The following POMT1 variants were observed in gnomAD, a reference collection of about 807,000 sequenced individuals.
POMT1 encodes the protein protein O-mannosyl-transferase 1.
Under a neutral mutation model 101.6 loss-of-function variants are expected in POMT1, and 85 were observed. The observed-to-expected ratio is 0.84, with a 90% CI of 0.70 to 1.00. The LOEUF (loss-of-function observed/expected upper bound fraction) is 1.00, where lower values mean the gene tolerates loss of function less well. POMT1 is among the 50% of genes least tolerant of loss of function. The pLI is 0.00. For missense variants in POMT1, 857 were observed against 930.4 expected (o/e 0.92, Z 1.03); for synonymous variants, 371 against 383.0 (o/e 0.97, Z 0.37).
intron 2 of POMT1, 62 bp from the exon 3 acceptor site, chr9:131,506,052 A>C: frequency 1.2e-6 from 2 of 1,603,108 alleles, no homozygotes; most frequent in Non-Finnish European, 1.7e-6. Context: ...TTATCCTCAC[A>C]GTTTTTGTTT....
chr9:131,507,425 C>T lies in POMT1; in HGVS notation c.338C>T (p.Ala113Val). The T allele has an allele frequency of 1.9e-6, 3 of 1,614,184 alleles. No individual in the cohort carries two copies. Among genetic ancestry groups the T allele is most frequent in the Non-Finnish European group, 1.7e-6 (2 of 1,180,038 alleles). ...CGCCTGCTGCCAGCACTCGCGGGGG[C>T]CTTGTCGGTCCCCATGGCCTACCAG... ...SLRLLPALAG[A>V]LSVPMAYQIV... The change falls in exon 5 of 20, where the codon GCC becomes GTC. Residue 113 changes from alanine to valine, a missense_variant. By Grantham distance (64) the Ala-to-Val change is moderately conservative. Transcript: ENST00000402686.
chr9:131,521,470 A>G lies in POMT1; in HGVS notation c.1823A>G (p.Gln608Arg), dbSNP rs145021255. 9 of 1,613,744 alleles carry G rather than the reference A, an allele frequency of 5.6e-6. No individual in the cohort carries two copies. In the African/African-American group the frequency reaches 1.1e-4, roughly 19 times the overall value. ...RRRRNVHDLP[Q>R]DAWLRWVLAG... The stretch of plus-strand genomic sequence containing the variant: ...CGAAGAAATGTCCATGACCTCCCTC[A>G]GGGTTAGTACCTCTCCCACATGGCT... The change falls in exon 18 of 20, where the codon CAG (glutamine) becomes CGG (arginine). Residue 608 changes from glutamine (Q) to arginine (R), a missense_variant and splice_region_variant. Coordinates refer to ENST00000402686, the MANE Select transcript of POMT1 (RefSeq NM_001077365.2).
intron 11 of POMT1, among the ~76,000 whole-genome samples, chr9:131,512,910 C>A (rs546130006): frequency 1.3e-3 from 202 of 151,118 alleles, no homozygotes; most frequent in African/African-American, 4.8e-3. Context: ...CCACGCCCGG[C>A]CCCCTCATAC....
Position 131,522,481 on chromosome 9 carries a change from G to A in POMT1, c.2003+257G>A. On this transcript the variant is annotated intron_variant, in intron 19 of 19. Transcript: ENST00000402686. This position sits in a 1 kb window ranked among gnomAD's most constrained non-coding sequence, Gnocchi z 5.5. ...AGACGGGGAGGGGATGAAGAGATGT[G>A]GGTGGCCTGGAGGATTCGGGAGCAG... The A allele has an allele frequency of 1.4e-6, 1 of 702,472 alleles. No homozygotes were observed. The highest frequency in any genetic ancestry group is 2.3e-6 in the Non-Finnish European group (1 of 437,268). The allele number at this position is 702,472 out of a possible 1,614,324, so 43.5% of individuals were successfully genotyped here. A position where few individuals can be genotyped will look rare whatever the true frequency, so the allele number is the denominator to read the frequency against.
In POMT1 at chr9:131,513,059, G is replaced by A. The variant is rs7865761; in HGVS notation, c.1083-180G>A. On this transcript the variant is annotated intron_variant, in intron 11 of 19. Coordinates refer to ENST00000402686, the MANE Select transcript of POMT1 (RefSeq NM_001077365.2). ...AATCACATTCGGAAAATGACCTTTG[G>A]TTTCAGAAAAGAGCCCAATTAATGT... Among the ~76,000 whole-genome samples, 135,079 of 152,222 alleles carry A rather than the reference G, an allele frequency of 0.89. 60,645 individuals carry two copies. The highest frequency in any genetic ancestry group is 0.97 in the South Asian group (4,683 of 4,822).
At chr9:131,511,697 T>G in intron 10 of POMT1, 1 of 603,382 alleles carries the variant, frequency 1.7e-6, no homozygotes. Flanking sequence ...GTGGCTGACC[T>G]CAGCACTGCC....
Position 131,521,374 on chromosome 9 carries a change from T to C in POMT1, c.1727T>C (p.Val576Ala), listed in dbSNP as rs144338642. 259 of 1,614,054 alleles carry C rather than the reference T, an allele frequency of 1.6e-4. No individual in the cohort carries two copies. The highest frequency in any genetic ancestry group is 2.0e-4 in the Non-Finnish European group (239 of 1,180,018). ...SAQIHLLGNI[V>A]IWVSGSLALA... ...CAGATCCACCTACTTGGAAACATAG[T>C]GATCTGGGTTTCGGGCAGCCTCGCT... Residue 576 changes from valine (V) to alanine (A), a missense_variant, in exon 18 of 20, where the codon GTG becomes GCG. Val to Ala is a moderately conservative substitution (Grantham distance 64). Transcript: ENST00000402686.
chr9:131,510,433 A>C lies in POMT1; in HGVS notation c.855+18A>C. The stretch of plus-strand genomic sequence containing the variant: ...GCTTAGAGGTAAGTAAGCAGTGGGC[A>C]TCGTGGCCACTGGAGAAGGAAGATG... On this transcript the variant is annotated intron_variant, in intron 9 of 19. Transcript: ENST00000402686. 6.2e-7 allele frequency: 1 copy of C among 1,611,710 alleles called. No homozygotes were observed. The highest frequency in any genetic ancestry group is 2.2e-5 in the East Asian group (1 of 44,876).
chr9:131,523,678 C>T lies in POMT1; in HGVS notation c.*572C>T, dbSNP rs1286109777. ...CACCGTGCTGTGTGGAAACCCTCCC[C>T]TCTGAGACTCCACTGAGACGTGGCT... On this transcript the variant is annotated 3_prime_UTR_variant, in exon 20 of 20. Transcript: ENST00000402686. The T allele has an allele frequency of 6.0e-6, 1 of 165,472 alleles. No homozygotes were observed. The highest frequency in any genetic ancestry group is 5.5e-5 in the Admixed American group (1 of 18,146). The allele number at this position is 165,472 out of a possible 1,614,324, so 10.3% of individuals were successfully genotyped here.
At chr9:131,510,807 C>G (rs1946959374) in intron 9 of POMT1, 1 of 342,258 alleles carries the variant, frequency 2.9e-6, no homozygotes, top group Admixed American at 4.2e-5. Context: ...CGCCTGGCAG[C>G]TGGGAGCATT....
intron 6 of POMT1, 69 bp downstream of exon 6, chr9:131,509,091 G>A: frequency 1.8e-6 from 2 of 1,108,466 alleles, no homozygotes; most frequent in Non-Finnish European, 2.8e-6. Flanking sequence ...GATCTGAGAT[G>A]GTCCAGTACC....
chr9:131,522,785 G>A lies in POMT1; in HGVS notation c.2004-147G>A. ...GTGCATCCAGGTGGGAGATGGTCAT[G>A]GGTGGCAGGAGACAAGACACAGAAA... On this transcript the variant is annotated intron_variant, in intron 19 of 19. Coordinates refer to ENST00000402686, the MANE Select transcript of POMT1 (RefSeq NM_001077365.2). This position sits in a 1 kb window ranked among gnomAD's most constrained non-coding sequence, Gnocchi z 5.5. 2.3e-6 allele frequency: 2 copies of A among 882,180 alleles called. No homozygotes were observed. Among genetic ancestry groups the A allele is most frequent in the Non-Finnish European group, 1.8e-6 (1 of 559,480 alleles). The allele number at this position is 882,180 out of a possible 1,614,324, so 54.6% of individuals were successfully genotyped here. A position where few individuals can be genotyped will look rare whatever the true frequency, so the allele number is the denominator to read the frequency against.
At chr9:131,520,304 C>T in intron 17 of POMT1, 111 bp downstream of exon 17, 1 of 924,592 alleles carries the variant, frequency 1.1e-6, no homozygotes, top group Non-Finnish European at 1.7e-6. Context: ...TTCTCCCAAG[C>T]TTTTCCTGAC....
intron 2 of POMT1, among the ~76,000 whole-genome samples, chr9:131,504,761 G>A (rs886697839): frequency 7.4e-6 from 1 of 135,756 alleles, no homozygotes; most frequent in Admixed American, 8.4e-5. Context: ...GTGTATGTGT[G>A]TGTGTGTGTG....
At chr9:131,507,334 T>C in intron 4 of POMT1, 34 bp from the exon 5 acceptor site, 1 of 1,613,784 alleles carries the variant, frequency 6.2e-7, no homozygotes, top group Non-Finnish European at 8.5e-7. Flanking sequence ...GTGTGCACAG[T>C]GTAGTCAGCT....
intron 5 of POMT1, among the ~76,000 whole-genome samples, chr9:131,508,475 G>C (rs1357314637): frequency 5.9e-5 from 9 of 152,148 alleles, no homozygotes; most frequent in Non-Finnish European, 1.3e-4. Flanking sequence ...AGGTTGCAGT[G>C]AGCCGAGATT....
At position 131,523,343 on chromosome 9, in the gene POMT1, T is replaced by G. The variant is rs1350808322; in HGVS notation, c.*237T>G. ...ATATTCCGTGTCTTTACCCCTGAAC[T>G]AAGACACAGGGAGTATTTCAGAGGC... On this transcript the variant is annotated 3_prime_UTR_variant, in exon 20 of 20. Transcript: ENST00000402686. The G allele has an allele frequency of 5.4e-6, 3 of 552,416 alleles. No individual in the cohort carries two copies. Among genetic ancestry groups the G allele is most frequent in the Non-Finnish European group, 9.8e-6 (3 of 307,186 alleles). The allele number at this position is 552,416 out of a possible 1,614,324, so 34.2% of individuals were successfully genotyped here.
At chr9:131,511,169 G>A in intron 9 of POMT1, 168 bp from the exon 10 acceptor site, 1 of 755,108 alleles carries the variant, frequency 1.3e-6, no homozygotes, top group Non-Finnish European at 2.1e-6. Context: ...GCTCATTATG[G>A]TTCTATAATG....
intron 12 of POMT1, 98 bp downstream of exon 12, chr9:131,513,429 C>G (rs1375260844): frequency 9.4e-7 from 1 of 1,069,370 alleles, no homozygotes; most frequent in Non-Finnish European, 1.4e-6. Context: ...CCGCTGCCCC[C>G]TGTCTACCCA....
Sources: gnomAD v4.1 joint callset for allele counts (sites outside exome capture counted in the v4.1 genomes callset) on GRCh38, gnomAD v4.1.1 for gene constraint, Gnocchi (gnomAD v3.1) non-coding constraint, MANE v1.5 for transcripts, NCBI Gene and HGNC (gene_info 2026-07-23, HGNC 2026-07-21) for gene names.